Variants in SESTD1 observed in about 807,000 individuals in gnomAD.
The protein encoded by SESTD1 is SEC14 and spectrin domain containing 1, also known as SEC14 domain and spectrin repeat-containing protein 1.
SESTD1 carries 43 observed loss-of-function variants against 101.7 expected under a neutral mutation model. The observed-to-expected ratio is 0.42, with a 90% CI of 0.33 to 0.55. The LOEUF (loss-of-function observed/expected upper bound fraction) is 0.55. Among genes scored for constraint, SESTD1 ranks in the 20% least tolerant of loss-of-function variants. The pLI is 0.07. For synonymous variants in SESTD1, 283 were observed against 286.8 expected, an observed-to-expected ratio of 0.99 and a Z score of 0.13; for missense variants, 647 against 815.1, an observed-to-expected ratio of 0.79 and a Z score of 2.51.
intron 1 of SESTD1, among the ~76,000 whole-genome samples, chr2:179,255,834 CTT>C (rs923681645): frequency 2.6e-5 from 4 of 152,224 alleles, no homozygotes; most frequent in African/African-American, 4.8e-5. Flanking sequence ...GGCTAACTCT[CTT>C]GTTAGGGGCT....
intron 13 of SESTD1, among the ~76,000 whole-genome samples, chr2:179,120,397 A>G (rs1317535493): frequency 6.6e-6 from 1 of 152,194 alleles, no homozygotes; most frequent in Non-Finnish European, 1.5e-5. Context: ...TGTAACTACT[A>G]AACCATGATC....
chr2:179,166,897 A>G (rs930113182), intron 5 of SESTD1, among the ~76,000 whole-genome samples: 4 of 152,228 alleles, frequency 2.6e-5, no homozygotes, highest in Non-Finnish European at 5.9e-5. Flanking sequence ...CCCTTCTCTT[A>G]TGCTATCAAA....
intron 6 of SESTD1, among the ~76,000 whole-genome samples, chr2:179,149,790 A>C (rs1296999910): frequency 1.3e-5 from 2 of 152,196 alleles, no homozygotes; most frequent in Admixed American, 6.5e-5. Flanking sequence ...TTGGTTTCAC[A>C]TAATAGTTGT....
chr2:179,142,534 G>C (rs908828568), intron 9 of SESTD1, among the ~76,000 whole-genome samples: 1 of 152,170 alleles, frequency 6.6e-6, no homozygotes, highest in Non-Finnish European at 1.5e-5. Context: ...TTGGGATCAT[G>C]CTCTATGACT....
intron 1 of SESTD1, among the ~76,000 whole-genome samples, chr2:179,200,550 C>T (rs2046491533): frequency 6.6e-6 from 1 of 152,072 alleles, no homozygotes; most frequent in Non-Finnish European, 1.5e-5. Flanking sequence ...ACCAAAACAG[C>T]ATGGTACTGG....
intron 1 of SESTD1, among the ~76,000 whole-genome samples, chr2:179,226,999 A>G (rs1249844337): frequency 3.9e-5 from 6 of 152,202 alleles, no homozygotes; most frequent in African/African-American, 7.2e-5. Flanking sequence ...ATCTACTTTG[A>G]GCAGAATGTT....
At chr2:179,210,664 A>G (rs1356395573) in intron 1 of SESTD1, among the ~76,000 whole-genome samples, 4 of 135,100 alleles carry the variant, frequency 3.0e-5, no homozygotes, top group Non-Finnish European at 1.6e-5. Context: ...CAGCAAAATC[A>G]GCATAGAACA....
Position 179,202,591 on chromosome 2 carries a change from A to C in SESTD1, c.-25-10725T>G, listed in dbSNP as rs1217209930. Among the ~76,000 whole-genome samples, 2 of 134,824 alleles carry C rather than the reference A, an allele frequency of 1.5e-5. 1 individual carries two copies. The highest frequency in any genetic ancestry group is 1.4e-4 in the Admixed American group (2 of 13,864). The allele number at this position is 134,824 out of a possible 152,430, so 88.4% of individuals were successfully genotyped here. A position where few individuals can be genotyped will look rare whatever the true frequency, so the allele number is the denominator to read the frequency against. ...ATTAAATTCAAACACTTTTTCCTTGAGTTTAATTTTCAGGTTACCTAAATG... is the reference window on the plus strand; with the variant it reads ...ATTAAATTCAAACACTTTTTCCTTGCGTTTAATTTTCAGGTTACCTAAATG... On this transcript the variant is annotated intron_variant, in intron 1 of 17. Coordinates refer to ENST00000428443, the MANE Select transcript of SESTD1 (RefSeq NM_178123.5).
At chr2:179,145,866 C>G (rs560353579) in intron 8 of SESTD1, among the ~76,000 whole-genome samples, 15 of 152,224 alleles carry the variant, frequency 9.9e-5, no homozygotes, top group Non-Finnish European at 1.6e-4. Flanking sequence ...CAATGTCTGG[C>G]ACATAAGGAG....
At chr2:179,172,254 A>G in intron 4 of SESTD1, 21 bp from the exon 5 acceptor site, 1 of 1,436,318 alleles carries the variant, frequency 7.0e-7, no homozygotes, top group South Asian at 1.2e-5. Flanking sequence ...CAGAAAAATA[A>G]TTACAAATTA....
At chr2:179,242,032 G>A (rs1264064467) in intron 1 of SESTD1, among the ~76,000 whole-genome samples, 1 of 151,906 alleles carries the variant, frequency 6.6e-6, no homozygotes, top group African/African-American at 2.4e-5. Flanking sequence ...CAAATTATCT[G>A]TTTTCATTAT....
At chr2:179,133,023 A>G (rs1460457600) in intron 9 of SESTD1, among the ~76,000 whole-genome samples, 1 of 152,200 alleles carries the variant, frequency 6.6e-6, no homozygotes, top group Non-Finnish European at 1.5e-5. Flanking sequence ...ATGCTAATGT[A>G]ATAAATACCC....
rs1044463390 is a variant in SESTD1, at chr2:179,109,472, G to A, written c.*427C>T. ...CTGAAGAATTACAAAGTAAAATTTT[G>A]AGGACACCACTGTCTACTAACAAGA... is the stretch of plus-strand genomic sequence containing the variant. On this transcript the variant is annotated 3_prime_UTR_variant, in exon 18 of 18. Transcript: ENST00000428443. 3 of 371,146 alleles carry A rather than the reference G, an allele frequency of 8.1e-6. No individual in the cohort carries two copies. The highest frequency in any genetic ancestry group is 1.4e-5 in the Non-Finnish European group (3 of 209,000). The allele number at this position is 371,146 out of a possible 1,614,324, so 23.0% of individuals were successfully genotyped here.
At chr2:179,175,587 T>A (rs1390987815) in intron 4 of SESTD1, among the ~76,000 whole-genome samples, 2 of 152,170 alleles carry the variant, frequency 1.3e-5, no homozygotes, top group African/African-American at 4.8e-5. Context: ...TAAGTCAGAG[T>A]ACCTGTGAGG....
intron 1 of SESTD1, among the ~76,000 whole-genome samples, chr2:179,197,400 G>A (rs990270132): frequency 6.6e-6 from 1 of 152,186 alleles, no homozygotes; most frequent in Non-Finnish European, 1.5e-5. Flanking sequence ...ATATTATCCA[G>A]GAGAACTTCC....
intron 9 of SESTD1, among the ~76,000 whole-genome samples, chr2:179,139,650 C>CA (rs2045233488): frequency 6.6e-6 from 1 of 152,124 alleles, no homozygotes; most frequent in Admixed American, 6.5e-5. Flanking sequence ...TGCATACTGA[C>CA]AAAACTACTG....
intron 7 of SESTD1, among the ~76,000 whole-genome samples, chr2:179,148,281 T>G (rs944616730): frequency 6.6e-6 from 1 of 152,238 alleles, no homozygotes; most frequent in African/African-American, 2.4e-5. Context: ...ACCAGGATTC[T>G]TTCACATTTC....
intron 9 of SESTD1, among the ~76,000 whole-genome samples, chr2:179,143,180 T>C (rs1198138021): frequency 6.6e-6 from 1 of 152,070 alleles, no homozygotes; most frequent in Non-Finnish European, 1.5e-5. Flanking sequence ...AAATTTGATA[T>C]TAGAATCATT....
rs1031076383 is a variant in SESTD1, at chr2:179,236,984, A to G, written c.-26+27515T>C. On this transcript the variant is annotated intron_variant, in intron 1 of 17. Transcript: ENST00000428443. ...ACTGATTTAAAATCAAGTCTATAAA[A>G]ATATCTAATTAGGTCTTAATCGTAT... Among the ~76,000 whole-genome samples the G allele has an allele frequency of 2.6e-5, 4 of 152,102 alleles. No individual in the cohort carries two copies. In the East Asian group the frequency reaches 7.7e-4, roughly 29 times the overall value.
Sources: gnomAD v4.1 joint callset for allele counts (sites outside exome capture counted in the v4.1 genomes callset) on GRCh38, gnomAD v4.1.1 for gene constraint, MANE v1.5 for transcripts, NCBI Gene and HGNC (gene_info 2026-07-23, HGNC 2026-07-21) for gene names.